PTPRN2: variants seen among roughly 807,000 people sequenced by gnomAD.
PTPRN2 encodes protein tyrosine phosphatase receptor type N2.
PTPRN2 carries 74 observed loss-of-function variants against 118.8 expected under a neutral mutation model. The observed-to-expected ratio is 0.62, with a 90% CI of 0.52 to 0.76. PTPRN2 has a LOEUF of 0.76. Ranked by LOEUF, PTPRN2 falls within the 30% of genes least tolerant of loss-of-function variation. The pLI is 0.00. For missense variants in PTPRN2, 1,481 were observed against 1,394.4 expected, an observed-to-expected ratio of 1.06 and a Z score of -0.99; for synonymous variants, 641 against 608.0, an observed-to-expected ratio of 1.05 and a Z score of -0.80.
intron 13 of PTPRN2, among the ~76,000 whole-genome samples, chr7:157,659,183 C>T (rs569420413): frequency 2.0e-5 from 3 of 151,628 alleles, no homozygotes; most frequent in East Asian, 2.0e-4. Flanking sequence ...GGACTCATAG[C>T]GAGATACAGG....
At chr7:158,327,378 A>G (rs201603067) in intron 2 of PTPRN2, among the ~76,000 whole-genome samples, 1 of 50,920 alleles carries the variant, frequency 2.0e-5, no homozygotes, top group African/African-American at 5.3e-5. Context: ...CACACACATT[A>G]TCACATGCAC....
intron 11 of PTPRN2, among the ~76,000 whole-genome samples, chr7:158,035,572 T>C (rs7456472): frequency 0.47 from 71,046 of 152,026 alleles, 17,207 homozygotes; most frequent in Non-Finnish European, 0.52. Flanking sequence ...GGACTGTGCA[T>C]ACCTGCCCTG....
chr7:157,756,680 G>C (rs1465012466), intron 12 of PTPRN2, among the ~76,000 whole-genome samples: 2 of 152,100 alleles, frequency 1.3e-5, no homozygotes, highest in Non-Finnish European at 2.9e-5. Flanking sequence ...GCTTAGCAGG[G>C]AAAGGCATGA....
chr7:158,335,383 A>T lies in PTPRN2; in HGVS notation c.164-18451T>A, dbSNP rs1306052522. Among the ~76,000 whole-genome samples, 2 of 17,108 alleles carry T rather than the reference A, an allele frequency of 1.2e-4. 1 individual carries two copies. The highest frequency in any genetic ancestry group is 1.2e-3 in the Admixed American group (2 of 1,712). The allele number at this position is 17,108 out of a possible 152,430, so 11.2% of individuals were successfully genotyped here. ...TCACTCACACCCATACTCTCACCATAAGAGCTGACACCTGCAGACGTCACT... is the reference window on the plus strand; with the variant it reads ...TCACTCACACCCATACTCTCACCATTAGAGCTGACACCTGCAGACGTCACT... On this transcript the variant is annotated intron_variant, in intron 2 of 22. Coordinates refer to ENST00000389418, the MANE Select transcript of PTPRN2 (RefSeq NM_002847.5).
chr7:157,816,046 G>A (rs1005838770), intron 12 of PTPRN2, among the ~76,000 whole-genome samples: 5 of 152,178 alleles, frequency 3.3e-5, no homozygotes, highest in South Asian at 2.1e-4. Context: ...ACGCCCTCTC[G>A]CTGGTGTACA....
intron 12 of PTPRN2, among the ~76,000 whole-genome samples, chr7:157,725,875 G>C (rs1799557832): frequency 8.5e-6 from 1 of 117,110 alleles, no homozygotes; most frequent in Non-Finnish European, 1.7e-5. Context: ...ACGCAGAGGA[G>C]TGAACCAGAC....
At position 157,619,978 on chromosome 7, in the gene PTPRN2, G is replaced by C. The variant is rs1803050530; in HGVS notation, c.2344+1384C>G. Among the ~76,000 whole-genome samples the C allele has an allele frequency of 6.6e-6, 1 of 152,248 alleles. No individual in the cohort carries two copies. The highest frequency in any genetic ancestry group is 1.5e-5 in the Non-Finnish European group (1 of 68,036). ...GGTCCCGCCTGATGCTGAGCTGAAA[G>C]TGAGTGTGGCCGAGTGGTGCTCTCG... On this transcript the variant is annotated intron_variant, in intron 15 of 22. Coordinates refer to ENST00000389418, the MANE Select transcript of PTPRN2 (RefSeq NM_002847.5). This position sits in a 1 kb window ranked among gnomAD's most constrained non-coding sequence, Gnocchi z 5.3.
chr7:158,366,445 A>ACACACACC (rs1228871753), intron 2 of PTPRN2, among the ~76,000 whole-genome samples: 4 of 151,872 alleles, frequency 2.6e-5, no homozygotes, highest in Middle Eastern at 3.4e-3. Context: ...GTGCACACGC[A>ACACACACC]CACACACCCA....
intron 13 of PTPRN2, among the ~76,000 whole-genome samples, chr7:157,672,098 C>T (rs1241726824): frequency 6.6e-6 from 1 of 152,046 alleles, no homozygotes; most frequent in Non-Finnish European, 1.5e-5. Flanking sequence ...CCACGGGTCG[C>T]ACGTGGGGTG....
rs1304540148 is a variant in PTPRN2, at chr7:158,130,680, TACAG to T, written c.1556+2993_1556+2996del. 1.1e-3 allele frequency among the ~76,000 whole-genome samples: 153 copies of T among 134,734 alleles called. 4 individuals carry two copies. The highest frequency in any genetic ancestry group is 4.2e-4 in the Non-Finnish European group (27 of 64,804). 88.4% of individuals were successfully genotyped at this position (134,734 alleles called of 152,430 possible). A position where few individuals can be genotyped will look rare whatever the true frequency, so the allele number is the denominator to read the frequency against. ...CCTGACTCATACACACACACGTACA[TACAG>T]ACACACACATCTACCCAACACACAC... On this transcript the variant is annotated intron_variant, in intron 9 of 22. Coordinates refer to ENST00000389418, the MANE Select transcript of PTPRN2 (RefSeq NM_002847.5).
intron 5 of PTPRN2, 122 bp from the exon 6 acceptor site, chr7:158,167,413 C>A (rs1823134060): frequency 1.5e-6 from 2 of 1,299,446 alleles, no homozygotes; most frequent in South Asian, 1.6e-5. Context: ...CAAAGATGCC[C>A]TTCGGTCTCA....
chr7:158,472,693 C>G (rs1222804849), intron 2 of PTPRN2, among the ~76,000 whole-genome samples: 1 of 152,154 alleles, frequency 6.6e-6, no homozygotes, highest in Non-Finnish European at 1.5e-5. Context: ...AACACAGACC[C>G]CACCTCTATG....
Position 157,609,790 on chromosome 7 carries a change from C to A in PTPRN2, c.2345-5715G>T, listed in dbSNP as rs556612351. 6.6e-6 allele frequency among the ~76,000 whole-genome samples: 1 copy of A among 152,230 alleles called. No homozygotes were observed. Among genetic ancestry groups the A allele is most frequent in the Non-Finnish European group, 1.5e-5 (1 of 68,042 alleles). On this transcript the variant is annotated intron_variant, in intron 15 of 22. Transcript: ENST00000389418. The surrounding 1 kb of genome is among the most constrained non-coding windows in gnomAD (Gnocchi z 4.9). The stretch of plus-strand genomic sequence containing the variant: ...CACCCAACTGCGCAGGTCAGCCAAG[C>A]TGGCAAAGCGTGTTCTTGCTGCCCC...
rs77126142 is a variant in PTPRN2, at chr7:157,904,695, G to C, written c.1724-5958C>G. On this transcript the variant is annotated intron_variant, in intron 11 of 22. Transcript: ENST00000389418. ...CTGACTTCACGCGGCCCTGTGTTCC[G>C]GCCGCTTTCAGCGATGCCTGTCCTT... 6.1e-3 allele frequency among the ~76,000 whole-genome samples: 928 copies of C among 152,330 alleles called. 10 individuals are homozygous for C. Among genetic ancestry groups the C allele is most frequent in the Non-Finnish European group, 6.9e-3 (467 of 68,020 alleles).
In PTPRN2 at chr7:158,413,867, T is replaced by C. The variant is rs10268312; in HGVS notation, c.163+75868A>G. On this transcript the variant is annotated intron_variant, in intron 2 of 22. Transcript: ENST00000389418. ...TAAACATGGAGGCAAGGGCCAGGTG[T>C]GATGGCTCACGCCTGTAATCCCAGC... Among the ~76,000 whole-genome samples, 698 of 152,144 alleles carry C rather than the reference T, an allele frequency of 4.6e-3. 4 individuals are homozygous for C. Among genetic ancestry groups the C allele is most frequent in the African/African-American group, 0.016 (672 of 41,518 alleles).
At chr7:158,071,130 T>A (rs1258998687) in intron 11 of PTPRN2, among the ~76,000 whole-genome samples, 2 of 69,026 alleles carry the variant, frequency 2.9e-5, no homozygotes, top group Non-Finnish European at 5.7e-5. Flanking sequence ...CCCGTGGTGG[T>A]GGAGGTGCTC....
chr7:157,714,197 TA>T (rs1165373079), intron 12 of PTPRN2, among the ~76,000 whole-genome samples: 2 of 152,160 alleles, frequency 1.3e-5, no homozygotes, highest in African/African-American at 4.8e-5. Context: ...TTAAAACACA[TA>T]AAAAACAATG....
intron 3 of PTPRN2, among the ~76,000 whole-genome samples, chr7:158,256,969 G>A (rs928341894): frequency 4.6e-5 from 7 of 152,164 alleles, no homozygotes. Context: ...CCGTCTGGGA[G>A]CTTGGGTTTC....
In PTPRN2 at chr7:157,629,553, G is replaced by A. The variant is rs1803810391; in HGVS notation, c.2197-8044C>T. The stretch of plus-strand genomic sequence containing the variant: ...TTATTTCTCATCAATCAAACCACTC[G>A]TGCAGTGGAAAGTGAGTCCCCACGG... On this transcript the variant is annotated intron_variant, in intron 14 of 22. Coordinates refer to ENST00000389418, the MANE Select transcript of PTPRN2 (RefSeq NM_002847.5). The surrounding 1 kb of genome is among the most constrained non-coding windows in gnomAD (Gnocchi z 4.4). 6.6e-6 allele frequency among the ~76,000 whole-genome samples: 1 copy of A among 152,108 alleles called. No homozygotes were observed. The highest frequency in any genetic ancestry group is 1.5e-5 in the Non-Finnish European group (1 of 68,022).
Sources: gnomAD v4.1 joint callset for allele counts (sites outside exome capture counted in the v4.1 genomes callset) on GRCh38, gnomAD v4.1.1 for gene constraint, Gnocchi (gnomAD v3.1) non-coding constraint, MANE v1.5 for transcripts, NCBI Gene and HGNC (gene_info 2026-07-23, HGNC 2026-07-21) for gene names.